Variants in SORCS3 observed in about 807,000 individuals in gnomAD.
The protein encoded by SORCS3 is sortilin related VPS10 domain containing receptor 3.
A neutral mutation model predicts 146.3 loss-of-function variants in SORCS3; 57 were observed. The ratio of observed to expected loss-of-function variants is 0.39; its 90% confidence interval spans 0.31 to 0.49. SORCS3 has a LOEUF of 0.49. SORCS3 is among the 20% of genes least tolerant of loss of function. SORCS3 has a pLI of 0.92. For missense variants in SORCS3, 1,341 were observed against 1,575.5 expected, an observed-to-expected ratio of 0.85 and a Z score of 2.52; for synonymous variants, 653 against 618.5, an observed-to-expected ratio of 1.06 and a Z score of -0.83.
chr10:105,138,039 A>G (rs577148817), intron 7 of SORCS3, among the ~76,000 whole-genome samples: 1 of 152,336 alleles, frequency 6.6e-6, no homozygotes, highest in South Asian at 2.1e-4. Context: ...ACACACAACA[A>G]TATAGATTCA....
At chr10:104,959,897 T>A (rs1055396542) in intron 3 of SORCS3, among the ~76,000 whole-genome samples, 1 of 152,160 alleles carries the variant, frequency 6.6e-6, no homozygotes, top group Non-Finnish European at 1.5e-5. Context: ...GTGAACAGGA[T>A]CAGTCCCTCT....
At chr10:104,993,425 G>A (rs1325124092) in intron 4 of SORCS3, among the ~76,000 whole-genome samples, 1 of 152,136 alleles carries the variant, frequency 6.6e-6, no homozygotes, top group Admixed American at 6.5e-5. Context: ...TTTTTAAAAT[G>A]GAGACTTTAA....
intron 2 of SORCS3, among the ~76,000 whole-genome samples, chr10:104,908,547 C>A (rs1365554378): frequency 1.3e-5 from 2 of 152,152 alleles, no homozygotes; most frequent in Non-Finnish European, 2.9e-5. Context: ...GAAAAGCTTG[C>A]ACAGCTAGAT....
intron 4 of SORCS3, among the ~76,000 whole-genome samples, chr10:105,036,705 G>T (rs2055308626): frequency 6.6e-6 from 1 of 152,186 alleles, no homozygotes; most frequent in Non-Finnish European, 1.5e-5. Context: ...TTTCTTTCCT[G>T]TCTATTACAA....
intron 1 of SORCS3, among the ~76,000 whole-genome samples, chr10:104,818,363 TCC>T (rs1491373678): frequency 4.4e-5 from 3 of 67,486 alleles, no homozygotes; most frequent in Non-Finnish European, 9.4e-5. Context: ...TCTCCTTTCT[TCC>T]TTCCTTCCTT....
At chr10:104,887,655 G>A (rs2018702867) in intron 2 of SORCS3, among the ~76,000 whole-genome samples, 1 of 152,208 alleles carries the variant, frequency 6.6e-6, no homozygotes, top group African/African-American at 2.4e-5. Flanking sequence ...TCCCCAAGTG[G>A]TGATGTTGGT....
intron 3 of SORCS3, among the ~76,000 whole-genome samples, chr10:104,961,781 A>G (rs1484310530): frequency 6.6e-6 from 1 of 152,158 alleles, no homozygotes; most frequent in Non-Finnish European, 1.5e-5. Flanking sequence ...TAGGGCACTG[A>G]TGAACCCCAA....
chr10:104,873,806 A>AC (rs2018542810), intron 2 of SORCS3, among the ~76,000 whole-genome samples: 1 of 152,186 alleles, frequency 6.6e-6, no homozygotes, highest in Admixed American at 6.5e-5. Context: ...ATAAAGGAAA[A>AC]CAGAATTTCT....
chr10:104,935,995 T>C (rs2019256242), intron 3 of SORCS3, among the ~76,000 whole-genome samples: 4 of 152,122 alleles, frequency 2.6e-5, no homozygotes, highest in Admixed American at 1.3e-4. Flanking sequence ...GTCTGTGTCC[T>C]AGAAAGTCCC....
At chr10:105,203,440 C>T (rs1033992420) in intron 16 of SORCS3, among the ~76,000 whole-genome samples, 4 of 152,164 alleles carry the variant, frequency 2.6e-5, no homozygotes, top group African/African-American at 9.6e-5. Flanking sequence ...TTTAGGCTTC[C>T]TTGTGTCCTT....
At chr10:104,924,799 A>G (rs1340833607) in intron 3 of SORCS3, among the ~76,000 whole-genome samples, 1 of 152,212 alleles carries the variant, frequency 6.6e-6, no homozygotes, top group African/African-American at 2.4e-5. Context: ...AAGCATAACT[A>G]GCATGTTAGA....
chr10:104,813,929 C>A (rs1252284774), intron 1 of SORCS3, among the ~76,000 whole-genome samples: 2 of 116,156 alleles, frequency 1.7e-5, no homozygotes, highest in Admixed American at 8.5e-5. Flanking sequence ...TCTTTTCTTT[C>A]TTTTTTTTTT....
intron 4 of SORCS3, among the ~76,000 whole-genome samples, chr10:105,025,533 G>A (rs1343732474): frequency 6.6e-6 from 1 of 152,004 alleles, no homozygotes; most frequent in Non-Finnish European, 1.5e-5. Context: ...ATACTTTCTC[G>A]TGTCTTTCTT....
chr10:104,800,735 G>A (rs575483567), intron 1 of SORCS3, among the ~76,000 whole-genome samples: 17 of 152,260 alleles, frequency 1.1e-4, no homozygotes, highest in African/African-American at 4.1e-4. Context: ...AATATGGGTG[G>A]AGTGAGAAAA....
At chr10:105,102,780 C>CTTTTT (rs1183026265) in intron 6 of SORCS3, among the ~76,000 whole-genome samples, 10 of 92,524 alleles carry the variant, frequency 1.1e-4, no homozygotes, top group Admixed American at 2.8e-4. Context: ...ACCTCTCAAC[C>CTTTTT]TTTTTTTTTT....
intron 3 of SORCS3, among the ~76,000 whole-genome samples, chr10:104,930,073 A>G (rs1190128819): frequency 6.6e-6 from 1 of 152,226 alleles, no homozygotes; most frequent in East Asian, 1.9e-4. Context: ...AAATAATTCA[A>G]TGAAATGAAG....
chr10:105,040,990 T>C (rs1260921166), intron 4 of SORCS3, among the ~76,000 whole-genome samples: 1 of 147,954 alleles, frequency 6.8e-6, no homozygotes, highest in Non-Finnish European at 1.5e-5. Flanking sequence ...CATATATAAA[T>C]ATATATATTT....
intron 9 of SORCS3, among the ~76,000 whole-genome samples, chr10:105,149,618 A>T (rs957307967): frequency 6.6e-6 from 1 of 152,120 alleles, no homozygotes; most frequent in Non-Finnish European, 1.5e-5. Context: ...TCCTGTTTGT[A>T]CAAGTAAAGC....
At chr10:104,652,700 A>G (rs2015578333) in intron 1 of SORCS3, among the ~76,000 whole-genome samples, 1 of 152,252 alleles carries the variant, frequency 6.6e-6, no homozygotes, top group Non-Finnish European at 1.5e-5. Context: ...TCTGATAATA[A>G]TAAAATTCTC....
Sources: gnomAD v4.1 joint callset for allele counts (sites outside exome capture counted in the v4.1 genomes callset) on GRCh38, gnomAD v4.1.1 for gene constraint, MANE v1.5 for transcripts, NCBI Gene and HGNC (gene_info 2026-07-23, HGNC 2026-07-21) for gene names.